ZNF804B: variants seen among roughly 807,000 people sequenced by gnomAD.
ZNF804B encodes zinc finger 804B.
In ZNF804B, 80 loss-of-function variants were observed where a neutral mutation model predicts 101.4. The observed-to-expected ratio is 0.79, with a 90% confidence interval of 0.66 to 0.95. The LOEUF (loss-of-function observed/expected upper bound fraction) is 0.95, where lower values mean the gene tolerates loss of function less well. Ranked by LOEUF, ZNF804B falls within the 40% of genes least tolerant of loss-of-function variation. The pLI, the probability that ZNF804B is intolerant of heterozygous loss-of-function variation, is 0.00. For missense variants in ZNF804B, 1,673 were observed against 1,561.9 expected, an observed-to-expected ratio of 1.07 and a Z score of -1.20; for synonymous variants, 622 against 558.8, an observed-to-expected ratio of 1.11 and a Z score of -1.59.
At chr7:89,240,263 T>C (rs189062728) in intron 2 of ZNF804B, among the ~76,000 whole-genome samples, 1 of 152,214 alleles carries the variant, frequency 6.6e-6, no homozygotes, top group East Asian at 1.9e-4. Flanking sequence ...TATTTCTAGC[T>C]TGAATAAGTA....
chr7:89,272,761 G>T (rs992704859), intron 2 of ZNF804B, among the ~76,000 whole-genome samples: 4 of 152,048 alleles, frequency 2.6e-5, no homozygotes, highest in African/African-American at 9.7e-5. Flanking sequence ...TAGGTGGAAA[G>T]TTTTCTTAAA....
intron 1 of ZNF804B, among the ~76,000 whole-genome samples, chr7:88,768,507 C>T (rs1790016882): frequency 6.6e-6 from 1 of 152,110 alleles, no homozygotes; most frequent in Admixed American, 6.5e-5. Context: ...TGCCTGGGCT[C>T]AGGAGTTTGA....
At chr7:88,906,360 T>C (rs534950201) in intron 1 of ZNF804B, among the ~76,000 whole-genome samples, 1 of 152,280 alleles carries the variant, frequency 6.6e-6, no homozygotes, top group South Asian at 2.1e-4. Flanking sequence ...ACTTGAGATC[T>C]TTCTAACTTC....
chr7:88,884,530 A>T (rs887823974), intron 1 of ZNF804B, among the ~76,000 whole-genome samples: 7 of 151,778 alleles, frequency 4.6e-5, no homozygotes, highest in Non-Finnish European at 8.8e-5. Flanking sequence ...CACCTATATG[A>T]CCTTGATTCT....
At chr7:89,167,781 A>C (rs1296839131) in intron 1 of ZNF804B, among the ~76,000 whole-genome samples, 4 of 152,152 alleles carry the variant, frequency 2.6e-5, no homozygotes, top group Non-Finnish European at 5.9e-5. Context: ...AAACAGAAAA[A>C]TGAGAGGTCC....
intron 1 of ZNF804B, among the ~76,000 whole-genome samples, chr7:88,791,227 G>A (rs1045231781): frequency 1.3e-5 from 2 of 151,784 alleles, no homozygotes; most frequent in Non-Finnish European, 2.9e-5. Flanking sequence ...ACTGCCAAAG[G>A]GTCCCAAAAT....
At chr7:89,324,400 T>C (rs1790866586) in intron 2 of ZNF804B, among the ~76,000 whole-genome samples, 1 of 151,896 alleles carries the variant, frequency 6.6e-6, no homozygotes, top group Non-Finnish European at 1.5e-5. Context: ...TACATTCTTT[T>C]CTTTTGACTC....
chr7:89,144,204 C>T (rs67276378), intron 1 of ZNF804B, among the ~76,000 whole-genome samples: 14,475 of 151,980 alleles, frequency 0.095, 765 homozygotes, highest in Middle Eastern at 0.15. Flanking sequence ...TTAATCCCCT[C>T]TTTATATTTT....
At chr7:89,155,004 T>C (rs1790935522) in intron 1 of ZNF804B, among the ~76,000 whole-genome samples, 1 of 152,102 alleles carries the variant, frequency 6.6e-6, no homozygotes, top group African/African-American at 2.4e-5. Flanking sequence ...AAATGTGATA[T>C]GCTCCATCAA....
At chr7:88,913,531 A>C (rs996713848) in intron 1 of ZNF804B, among the ~76,000 whole-genome samples, 6 of 152,072 alleles carry the variant, frequency 3.9e-5, no homozygotes, top group African/African-American at 1.4e-4. Context: ...AGGAGCTGGG[A>C]TTACAGGTGC....
At chr7:89,056,585 C>G (rs1562872458) in intron 1 of ZNF804B, among the ~76,000 whole-genome samples, 1 of 152,086 alleles carries the variant, frequency 6.6e-6, no homozygotes, top group Admixed American at 6.6e-5. Flanking sequence ...TGATATGACA[C>G]TGAAATAGGA....
chr7:89,292,768 T>C (rs1790317062), intron 2 of ZNF804B, among the ~76,000 whole-genome samples: 1 of 152,034 alleles, frequency 6.6e-6, no homozygotes, highest in Non-Finnish European at 1.5e-5. Flanking sequence ...CTTAATGTAA[T>C]GAAATAATTG....
At chr7:89,068,136 G>A (rs367595875) in intron 1 of ZNF804B, among the ~76,000 whole-genome samples, 1 of 148,744 alleles carries the variant, frequency 6.7e-6, no homozygotes, top group African/African-American at 2.5e-5. Context: ...CATACTAGAT[G>A]CTTTTATTTA....
intron 1 of ZNF804B, among the ~76,000 whole-genome samples, chr7:88,913,584 T>TGG (rs1459164478): frequency 6.6e-6 from 1 of 152,084 alleles, no homozygotes; most frequent in Non-Finnish European, 1.5e-5. Flanking sequence ...TTAGTAGATA[T>TGG]GGGGTTTCAC....
At chr7:88,777,895 A>T (rs1790168944) in intron 1 of ZNF804B, among the ~76,000 whole-genome samples, 1 of 151,638 alleles carries the variant, frequency 6.6e-6, no homozygotes, top group Non-Finnish European at 1.5e-5. Context: ...AAGTGGCATT[A>T]ACTAATGAAG....
intron 1 of ZNF804B, among the ~76,000 whole-genome samples, chr7:88,820,410 A>T (rs554713692): frequency 4.6e-5 from 7 of 152,172 alleles, no homozygotes; most frequent in African/African-American, 1.4e-4. Context: ...GTGGGTTCAG[A>T]CCTTCACAGG....
intron 2 of ZNF804B, among the ~76,000 whole-genome samples, chr7:89,265,291 T>TGTGTGTGTGTGC (rs1554386380): frequency 1.6e-5 from 1 of 63,680 alleles, no homozygotes; most frequent in African/African-American, 6.0e-5. Flanking sequence ...TGTGTGTGTG[T>TGTGTGTGTGTGC]GTGCGCGTGC....
At chr7:89,219,936 CATATAT>C (rs1421569187) in intron 2 of ZNF804B, among the ~76,000 whole-genome samples, 1 of 141,674 alleles carries the variant, frequency 7.1e-6, no homozygotes, top group African/African-American at 2.7e-5. Flanking sequence ...TATATGTGTG[CATATAT>C]ATGTATATAC....
intron 1 of ZNF804B, among the ~76,000 whole-genome samples, chr7:89,073,028 A>G (rs1199820899): frequency 6.6e-6 from 1 of 152,186 alleles, no homozygotes; most frequent in East Asian, 1.9e-4. Context: ...TTTGAAATAA[A>G]GACTGTTGAC....
Sources: allele counts gnomAD v4.1 joint callset (sites outside exome capture counted in the v4.1 genomes callset), GRCh38; gene constraint gnomAD v4.1.1; transcripts MANE v1.5; gene names NCBI Gene and HGNC (gene_info 2026-07-23, HGNC 2026-07-21).